Variants in ZC3H7B observed in about 807,000 individuals in gnomAD.
The protein encoded by ZC3H7B is zinc finger CCCH domain-containing protein 7B.
A neutral mutation model predicts 116.0 loss-of-function variants in ZC3H7B; 35 were observed. That is an observed-to-expected ratio of 0.30 (90% confidence interval 0.23 to 0.40). ZC3H7B has a LOEUF of 0.40. Among genes scored for constraint, ZC3H7B ranks in the 10% least tolerant of loss-of-function variants. ZC3H7B has a pLI of 1.00. For synonymous variants in ZC3H7B, 502 were observed against 545.6 expected (o/e 0.92, Z 1.11); for missense variants, 1,011 against 1,321.5 (o/e 0.77, Z 3.64).
rs369906167 is a variant in ZC3H7B at position 41,332,216 on chromosome 22, G to T, written c.571G>T (p.Val191Leu). ...GCTCAGTAACGGCACTGCGGCTGGC[G>T]TGGCAGATCAGGTAGGATCGGGGCT... ...SLLSNGTAAGVADQGTSNGLG... is the reference protein window; with the variant it reads ...SLLSNGTAAGLADQGTSNGLG... Residue 191 changes from valine to leucine, a missense_variant, in exon 7 of 23, where the codon GTG becomes TTG. Around this residue, in one of 5 missense-constraint regions of ZC3H7B, gnomAD observed 322 missense variants for 443.9 expected, o/e 0.73. Transcript: ENST00000352645. 6 of 1,614,076 alleles carry T rather than the reference G, an allele frequency of 3.7e-6. No homozygotes were observed. The Admixed American group carries it at 5.0e-5, about 13-fold the overall frequency.
intron 1 of ZC3H7B, among the ~76,000 whole-genome samples, chr22:41,320,395 A>G (rs930640780): frequency 2.0e-5 from 3 of 151,588 alleles, no homozygotes; most frequent in Non-Finnish European, 4.4e-5. Flanking sequence ...TTGTAGCTCA[A>G]GCCTGTGTGG....
chr22:41,337,188 C>T (rs913413211), intron 7 of ZC3H7B, among the ~76,000 whole-genome samples: 1 of 151,858 alleles, frequency 6.6e-6, no homozygotes, highest in East Asian at 1.9e-4. Flanking sequence ...GTTAGTCAGG[C>T]GTGGTGACGG....
At chr22:41,331,231 G>A (rs561746210) in intron 6 of ZC3H7B, among the ~76,000 whole-genome samples, 35 of 128,344 alleles carry the variant, frequency 2.7e-4, no homozygotes, top group Admixed American at 2.3e-3. Flanking sequence ...CCTGGGCAAC[G>A]AGCGAAACTC....
chr22:41,353,144 G>A (rs2036674493), intron 17 of ZC3H7B, among the ~76,000 whole-genome samples: 1 of 152,200 alleles, frequency 6.6e-6, no homozygotes, highest in East Asian at 1.9e-4. Flanking sequence ...AAATATCCCA[G>A]TACTGCTCGG....
chr22:41,312,401 A>G (rs1364203278), intron 1 of ZC3H7B, among the ~76,000 whole-genome samples: 1 of 151,286 alleles, frequency 6.6e-6, no homozygotes, highest in African/African-American at 2.4e-5. Flanking sequence ...ATGCCACTGC[A>G]CTACAGCCTG....
In ZC3H7B at chr22:41,312,203, A is replaced by G. The variant is rs9611552; in HGVS notation, c.-6-8452A>G. On this transcript the variant is annotated intron_variant, in intron 1 of 22. Transcript: ENST00000352645. Reference sequence around the variant, plus strand: ...ACATCCTAGCTCGGCGTGGTGGCTCATGCCCGTAATCCCAGTACTTTGGGA... The same window carrying G: ...ACATCCTAGCTCGGCGTGGTGGCTCGTGCCCGTAATCCCAGTACTTTGGGA... 6.7e-3 allele frequency among the ~76,000 whole-genome samples: 1,006 copies of G among 151,096 alleles called. 4 individuals are homozygous for G. The highest frequency in any genetic ancestry group is 0.011 in the Non-Finnish European group (774 of 67,854).
intron 7 of ZC3H7B, 91 bp downstream of exon 7, chr22:41,332,318 G>A (rs1569236798): frequency 3.3e-6 from 5 of 1,494,342 alleles, no homozygotes; most frequent in Non-Finnish European, 4.7e-6. Flanking sequence ...CTCAGGCAGT[G>A]GGTCCAGGGG....
chr22:41,318,573 C>G (rs1054214137), intron 1 of ZC3H7B, among the ~76,000 whole-genome samples: 3 of 149,230 alleles, frequency 2.0e-5, no homozygotes, highest in Non-Finnish European at 4.4e-5. Flanking sequence ...CATAGTGAGA[C>G]CTTGTCTCTA....
chr22:41,330,163 G>A (rs572703231), intron 6 of ZC3H7B, 60 bp downstream of exon 6: 8 of 1,580,942 alleles, frequency 5.1e-6, no homozygotes, highest in Middle Eastern at 1.8e-4. Context: ...TGAAGGGAGG[G>A]ACCAGGCTCC....
chr22:41,345,807 T>C (rs941101527), intron 13 of ZC3H7B, among the ~76,000 whole-genome samples, 196 bp from the exon 14 acceptor site: 8 of 151,912 alleles, frequency 5.3e-5, no homozygotes, highest in Admixed American at 2.0e-4. Flanking sequence ...GGCCTGGTAT[T>C]TGGAAAGGAC....
chr22:41,356,382 AAC>A lies in ZC3H7B; in HGVS notation c.2427_2428del (p.His809GlnfsTer67). 6.2e-7 allele frequency: 1 copy of A among 1,614,044 alleles called. No homozygotes were observed. The highest frequency in any genetic ancestry group is 1.1e-5 in the South Asian group (1 of 91,082). On this transcript the variant is annotated frameshift_variant, in exon 21 of 23. Transcript: ENST00000352645. LOFTEE classifies it high-confidence loss of function. ...CAGACCTATGACATGTGGCTGAAAA[AAC>A]ACAACCCAGGAAAGCCTGGAGAAGG...
At chr22:41,308,874 C>T (rs1569229187) in intron 1 of ZC3H7B, among the ~76,000 whole-genome samples, 2 of 152,132 alleles carry the variant, frequency 1.3e-5, no homozygotes, top group African/African-American at 2.4e-5. Context: ...GTTCCCACCT[C>T]AGGGCCATTG....
Position 41,357,604 on chromosome 22 carries a change from C to G in ZC3H7B, c.*175C>G, listed in dbSNP as rs1265046726. On this transcript the variant is annotated 3_prime_UTR_variant, in exon 23 of 23. Transcript: ENST00000352645. This position sits in a 1 kb window ranked among gnomAD's most constrained non-coding sequence, Gnocchi z 5.4. ...CCACCACCGCCCCGGTGTGCGTACC[C>G]AGGCGCACGTGCTGCAGCCCCCGGA... 1.2e-5 allele frequency: 11 copies of G among 899,082 alleles called. No individual in the cohort carries two copies. In the Admixed American group the frequency reaches 2.6e-4, roughly 21 times the overall value. The allele number at this position is 899,082 out of a possible 1,614,324, so 55.7% of individuals were successfully genotyped here. A position where few individuals can be genotyped will look rare whatever the true frequency, so the allele number is the denominator to read the frequency against.
Position 41,351,796 on chromosome 22 carries a change from C to G in ZC3H7B, c.2034+150C>G. 1 of 685,566 alleles carries G rather than the reference C, an allele frequency of 1.5e-6. No homozygotes were observed. The highest frequency in any genetic ancestry group is 2.8e-5 in the East Asian group (1 of 35,370). 42.5% of individuals were successfully genotyped at this position (685,566 alleles called of 1,614,324 possible). The stretch of plus-strand genomic sequence containing the variant: ...AAGTAACTTGGATAATGTACACATT[C>G]AGCTGTTGTGTCTCATTTTATTTTA... On this transcript the variant is annotated intron_variant, in intron 17 of 22. Transcript: ENST00000352645. The surrounding 1 kb of genome is among the most constrained non-coding windows in gnomAD (Gnocchi z 5.1).
Position 41,357,947 on chromosome 22 carries a change from C to A in ZC3H7B, c.*518C>A. ...CTGGGAACACTGTACTGGCCACTTA[C>A]CCTCTGGGGCCTCAGCTTTCCCTCC... is the stretch of plus-strand genomic sequence containing the variant. On this transcript the variant is annotated 3_prime_UTR_variant, in exon 23 of 23. Transcript: ENST00000352645. The surrounding 1 kb of genome is among the most constrained non-coding windows in gnomAD (Gnocchi z 5.4). The A allele has an allele frequency of 6.3e-6, 1 of 158,932 alleles. No homozygotes were observed. Among genetic ancestry groups the A allele is most frequent in the South Asian group, 1.8e-4 (1 of 5,604 alleles). 9.8% of individuals were successfully genotyped at this position (158,932 alleles called of 1,614,324 possible).
At chr22:41,340,571 C>T (rs940665802) in intron 10 of ZC3H7B, among the ~76,000 whole-genome samples, 4 of 152,168 alleles carry the variant, frequency 2.6e-5, no homozygotes, top group East Asian at 1.9e-4. Flanking sequence ...GGCTAGCTTT[C>T]GGCAGTCGGA....
At chr22:41,313,029 A>G (rs1299697087) in intron 1 of ZC3H7B, among the ~76,000 whole-genome samples, 1 of 152,220 alleles carries the variant, frequency 6.6e-6, no homozygotes, top group Non-Finnish European at 1.5e-5. Context: ...TTTTGCTGCA[A>G]GTAACAGAAT....
chr22:41,343,440 C>T lies in ZC3H7B; in HGVS notation c.1323C>T (p.Tyr441=), dbSNP rs1439825528. 6.2e-7 allele frequency: 1 copy of T among 1,613,324 alleles called. No homozygotes were observed. The highest frequency in any genetic ancestry group is 8.5e-7 in the Non-Finnish European group (1 of 1,179,554). ...KTGPRAGDYT[Y]REGLEHKCKR... ...GCCCCCGGGCTGGCGACTACACCTA[C>T]CGTGAGGGCCTTGAGCACAAGTGCA... Residue 441 remains tyrosine (Y), a synonymous_variant, in exon 13 of 23, where the codon TAC becomes TAT. Coordinates refer to ENST00000352645, the MANE Select transcript of ZC3H7B (RefSeq NM_017590.6).
At chr22:41,355,314 T>C (rs903093582) in intron 17 of ZC3H7B, among the ~76,000 whole-genome samples, 155 bp from the exon 18 acceptor site, 1 of 152,134 alleles carries the variant, frequency 6.6e-6, no homozygotes, top group South Asian at 2.1e-4. Flanking sequence ...TGGGAAGCCC[T>C]TGGGCCTGCA....
Sources: gnomAD v4.1 joint callset for allele counts (sites outside exome capture counted in the v4.1 genomes callset) on GRCh38, gnomAD v4.1.1 for gene constraint, gnomAD v4.1.1 regional missense constraint, Gnocchi (gnomAD v3.1) non-coding constraint, MANE v1.5 for transcripts, NCBI Gene and HGNC (gene_info 2026-07-23, HGNC 2026-07-21) for gene names.